The following COL24A1 variants were observed in gnomAD, a reference collection of about 807,000 sequenced individuals.
COL24A1 encodes the protein collagen alpha-1(XXIV) chain.
COL24A1 carries 224 observed loss-of-function variants against 253.9 expected under a neutral mutation model. The observed-to-expected ratio is 0.88, with a 90% confidence interval of 0.79 to 0.99. The LOEUF (loss-of-function observed/expected upper bound fraction) is 0.99. COL24A1 is among the 50% of genes least tolerant of loss of function. The probability of loss-of-function intolerance (pLI) is 0.00; values close to 1 mark genes in which losing one functional copy is unlikely to be tolerated. For missense variants in COL24A1, 2,131 were observed against 2,068.5 expected (o/e 1.03, Z -0.59); for synonymous variants, 685 against 673.7 (o/e 1.02, Z -0.26).
chr1:86,067,087 C>T (rs928827432), intron 7 of COL24A1, among the ~76,000 whole-genome samples: 1 of 151,146 alleles, frequency 6.6e-6, no homozygotes, highest in Non-Finnish European at 1.5e-5. Context: ...TGCAGTGAGC[C>T]GAGATTGCGC....
chr1:85,882,292 G>A (rs1681939821), intron 32 of COL24A1, among the ~76,000 whole-genome samples: 2 of 151,924 alleles, frequency 1.3e-5, no homozygotes, highest in African/African-American at 4.8e-5. Flanking sequence ...GGTGAAACCC[G>A]TCTCTACTAA....
At chr1:86,000,363 A>G (rs1695280606) in intron 19 of COL24A1, among the ~76,000 whole-genome samples, 3 of 152,220 alleles carry the variant, frequency 2.0e-5, no homozygotes, top group Admixed American at 2.0e-4. Context: ...ATTTTTTAAT[A>G]TATCTTACAG....
chr1:85,758,183 T>C (rs999892566), intron 55 of COL24A1, among the ~76,000 whole-genome samples: 4 of 152,126 alleles, frequency 2.6e-5, no homozygotes, highest in African/African-American at 9.7e-5. Context: ...GATCACTGGA[T>C]GGTGAAAATG....
chr1:85,738,416 G>A (rs2100853437), intron 57 of COL24A1, among the ~76,000 whole-genome samples: 1 of 152,170 alleles, frequency 6.6e-6, no homozygotes, highest in East Asian at 1.9e-4. Context: ...AAAAACTGAG[G>A]TCCCTATAGC....
chr1:85,747,300 G>A (rs531729478), intron 55 of COL24A1, among the ~76,000 whole-genome samples: 38 of 151,754 alleles, frequency 2.5e-4, no homozygotes, highest in Non-Finnish European at 4.7e-4. Context: ...TTTTGGTAGA[G>A]ATGGAGTTTC....
chr1:85,734,699 C>A lies in COL24A1; in HGVS notation c.4998+50G>T, dbSNP rs751558239. On this transcript the variant is annotated intron_variant, in intron 59 of 59. Coordinates refer to ENST00000370571, the MANE Select transcript of COL24A1 (RefSeq NM_152890.7). ...AATTATCCTAATTTTATGGTTTTAT[C>A]AATTTTAAGTTAGTTATATTGAACA... 1.1e-5 allele frequency: 17 copies of A among 1,494,290 alleles called. 1 individual carries two copies. The South Asian group carries it at 1.6e-4, about 14-fold the overall frequency. The allele number at this position is 1,494,290 out of a possible 1,614,324, so 92.6% of individuals were successfully genotyped here. A position where few individuals can be genotyped will look rare whatever the true frequency, so the allele number is the denominator to read the frequency against.
At chr1:85,846,007 G>A (rs939514754) in intron 39 of COL24A1, among the ~76,000 whole-genome samples, 1 of 151,652 alleles carries the variant, frequency 6.6e-6, no homozygotes, top group Non-Finnish European at 1.5e-5. Flanking sequence ...AGTATAGTAA[G>A]TAAAATAGTG....
chr1:85,872,229 T>G (rs1558476211), intron 35 of COL24A1, among the ~76,000 whole-genome samples: 1 of 152,172 alleles, frequency 6.6e-6, no homozygotes, highest in Non-Finnish European at 1.5e-5. Context: ...TCCATGCTCA[T>G]GGATAGGAAG....
chr1:86,141,793 T>C lies in COL24A1; in HGVS notation c.121+4326A>G, dbSNP rs1651128148. Among the ~76,000 whole-genome samples the C allele has an allele frequency of 2.0e-5, 3 of 151,904 alleles. 1 individual carries two copies. In the South Asian group the frequency reaches 6.2e-4, roughly 32 times the overall value. Reference sequence around the variant, plus strand: ...TCAGCGCCCTGCAACCTCTGTCTCCTGGGCTCGAGTAGTTCTTCTGCCTTA... The same window carrying C: ...TCAGCGCCCTGCAACCTCTGTCTCCCGGGCTCGAGTAGTTCTTCTGCCTTA... On this transcript the variant is annotated intron_variant, in intron 2 of 59. Coordinates refer to ENST00000370571, the MANE Select transcript of COL24A1 (RefSeq NM_152890.7).
At chr1:85,906,098 C>A (rs17128473) in intron 28 of COL24A1, among the ~76,000 whole-genome samples, 2 of 151,400 alleles carry the variant, frequency 1.3e-5, no homozygotes, top group Non-Finnish European at 1.5e-5. Context: ...AAATCTGTAA[C>A]CCAGGAAGGA....
intron 1 of COL24A1, chr1:86,155,811 G>T: frequency 6.5e-6 from 1 of 153,576 alleles, no homozygotes. Context: ...CCGAGGTTCT[G>T]CAGCCACCCC....
At chr1:86,131,705 G>A (rs940322548) in intron 2 of COL24A1, among the ~76,000 whole-genome samples, 1 of 152,060 alleles carries the variant, frequency 6.6e-6, no homozygotes, top group African/African-American at 2.4e-5. Context: ...CATTTTTTAT[G>A]GCTGCATGGT....
At chr1:86,030,122 C>A (rs1334187977) in intron 14 of COL24A1, 2 of 152,134 alleles carry the variant, frequency 1.3e-5, no homozygotes, top group South Asian at 2.1e-4. Flanking sequence ...CAAAACGCAA[C>A]CCTCTCAAAA....
At chr1:85,817,941 A>G (rs1673212440) in intron 46 of COL24A1, 93 bp downstream of exon 46, 1 of 982,674 alleles carries the variant, frequency 1.0e-6, no homozygotes. Flanking sequence ...TTTATCCAAC[A>G]TGATGACACA....
intron 19 of COL24A1, among the ~76,000 whole-genome samples, chr1:85,988,415 TC>T: frequency 6.6e-6 from 1 of 152,014 alleles, no homozygotes; most frequent in East Asian, 1.9e-4. Context: ...TTAAATACAA[TC>T]TATGCTGGGA....
At chr1:85,790,541 G>C (rs2101660082) in intron 47 of COL24A1, among the ~76,000 whole-genome samples, 1 of 151,076 alleles carries the variant, frequency 6.6e-6, no homozygotes, top group African/African-American at 2.4e-5. Context: ...TTTGTGTCTT[G>C]GTAGAGATCT....
At chr1:85,929,780 C>T (rs958073424) in intron 24 of COL24A1, among the ~76,000 whole-genome samples, 2 of 150,904 alleles carry the variant, frequency 1.3e-5, no homozygotes, top group Non-Finnish European at 2.9e-5. Context: ...TTAAGAATCT[C>T]AGTCAAAGCC....
In COL24A1 at chr1:86,125,470, C is replaced by T. The variant is rs1455243599; in HGVS notation, c.866G>A (p.Ser289Asn). The T allele has an allele frequency of 1.2e-6, 2 of 1,613,526 alleles. No homozygotes were observed. The highest frequency in any genetic ancestry group is 1.3e-5 in the African/African-American group (1 of 74,964). Residue 289 changes from serine to asparagine, a missense_variant, in exon 3 of 60, where the codon AGC becomes AAC. By Grantham distance (46) the Ser-to-Asn change is conservative. Coordinates refer to ENST00000370571, the MANE Select transcript of COL24A1 (RefSeq NM_152890.7). ...ATCATTTTTTATGATATTTGGAATG[C>T]TTTTGCCTTCAGTAAATGTATCCTC... The part of the protein sequence containing the change: ...LSEDTFTEGK[S>N]IPNIIKNDSE...
intron 19 of COL24A1, among the ~76,000 whole-genome samples, chr1:85,992,915 AAAG>A (rs1484732676): frequency 6.6e-6 from 1 of 152,154 alleles, no homozygotes; most frequent in Non-Finnish European, 1.5e-5. Flanking sequence ...GAAGCAGAAA[AAAG>A]AAGTAGTTTT....
Sources: allele counts gnomAD v4.1 joint callset (sites outside exome capture counted in the v4.1 genomes callset), GRCh38; gene constraint gnomAD v4.1.1; transcripts MANE v1.5; gene names NCBI Gene and HGNC (gene_info 2026-07-23, HGNC 2026-07-21).